TREH: variants seen among roughly 807,000 people sequenced by gnomAD.
The protein encoded by TREH is trehalase.
Under a neutral mutation model 80.5 loss-of-function variants are expected in TREH, and 69 were observed. The ratio of observed to expected loss-of-function variants is 0.86; its 90% CI spans 0.71 to 1.05. The LOEUF is 1.05. Ranked by LOEUF, TREH falls within the 50% of genes least tolerant of loss-of-function variation. The pLI, the probability that TREH is intolerant of heterozygous loss-of-function variation, is 0.00. For synonymous variants in TREH, 309 were observed against 293.5 expected, an observed-to-expected ratio of 1.05 and a Z score of -0.54; for missense variants, 716 against 718.8, an observed-to-expected ratio of 1.00 and a Z score of 0.04.
intron 4 of TREH, chr11:118,662,615 G>C: frequency 2.0e-6 from 1 of 490,154 alleles, no homozygotes; most frequent in South Asian, 2.3e-5. Context: ...GGCAGTGCTG[G>C]GCAGCCTGGA....
rs147240748 is a variant in TREH, at chr11:118,660,623, G to A, written c.1018C>T (p.Arg340Ter). The A allele has an allele frequency of 3.9e-5, 62 of 1,609,168 alleles. No individual in the cohort carries two copies. In the African/African-American group the frequency reaches 5.6e-4, roughly 15 times the overall value. Reference sequence around the variant, plus strand: ...TCAACAGGCACCAGTTTGCTTGTTCGGATGCCGCTAAGCGAGTTGGGGTTT... The same window carrying A: ...TCAACAGGCACCAGTTTGCTTGTTCAGATGCCGCTAAGCGAGTTGGGGTTT... ...GPNPNSLSGI[R>*]TSKLVPVDLN... The change falls in exon 10 of 15, where the codon CGA (arginine) becomes TGA (stop). Residue 340 changes from arginine (R) to a stop codon, truncating the protein, a stop_gained. Transcript: ENST00000264029. LOFTEE classifies it high-confidence loss of function.
Position 118,659,420 on chromosome 11 carries a change from T to C in TREH, c.1382A>G (p.Gln461Arg), listed in dbSNP as rs782117647. ...GGCCCAGGCATTGGGGAAATCCCAC[T>C]GCTGGCCTGTCTTCTGGAGAGAGGT... ...IPTSLQKTGQQWDFPNAWAPL... is the reference protein window; with the variant it reads ...IPTSLQKTGQRWDFPNAWAPL... The change falls in exon 12 of 15, where the codon CAG becomes CGG. Residue 461 changes from glutamine (Q) to arginine (R), a missense_variant. By Grantham distance (43) the Gln-to-Arg change is conservative. Coordinates refer to ENST00000264029, the MANE Select transcript of TREH (RefSeq NM_007180.3). 2 of 1,607,440 alleles carry C rather than the reference T, an allele frequency of 1.2e-6. No homozygotes were observed. Among genetic ancestry groups the C allele is most frequent in the East Asian group, 2.2e-5 (1 of 44,750 alleles).
At chr11:118,671,389 T>C (rs1949427953) in intron 1 of TREH, among the ~76,000 whole-genome samples, 1 of 152,062 alleles carries the variant, frequency 6.6e-6, no homozygotes, top group Non-Finnish European at 1.5e-5. Context: ...AAAATGCAAT[T>C]GGCATACTGA....
In TREH at chr11:118,663,113, C is replaced by G; in HGVS notation, c.274G>C (p.Glu92Gln). The G allele has an allele frequency of 6.2e-7, 1 of 1,613,960 alleles. No individual in the cohort carries two copies. The highest frequency in any genetic ancestry group is 8.5e-7 in the Non-Finnish European group (1 of 1,179,886). The change falls in exon 3 of 15, where the codon GAA (glutamate) becomes CAA (glutamine). Residue 92 changes from glutamate to glutamine, a missense_variant. By Grantham distance (29) the Glu-to-Gln change is conservative. Coordinates refer to ENST00000264029, the MANE Select transcript of TREH (RefSeq NM_007180.3). Reference sequence around the variant, plus strand: ...TCCTGCCCCTTGGCCTGGAAGTGTTCGTGGACAAACGCCTGCAGCTGCTCC... The same window carrying G: ...TCCTGCCCCTTGGCCTGGAAGTGTTGGTGGACAAACGCCTGCAGCTGCTCC... ...PREQLQAFVH[E>Q]HFQAKGQELQ...
intron 1 of TREH, among the ~76,000 whole-genome samples, chr11:118,667,874 T>C (rs1356879677): frequency 1.3e-5 from 2 of 152,122 alleles, no homozygotes; most frequent in Non-Finnish European, 2.9e-5. Context: ...TAACAAATTT[T>C]TTTTTTTTGA....
rs1555144686 is a variant in TREH at position 118,660,580 on chromosome 11, C to A, written c.1061G>T (p.Cys354Phe). 6.2e-7 allele frequency: 1 copy of A among 1,610,428 alleles called. No individual in the cohort carries two copies. The highest frequency in any genetic ancestry group is 1.3e-5 in the African/African-American group (1 of 74,876). The change falls in exon 10 of 15, where the codon TGC (cysteine) becomes TTC (phenylalanine). Residue 354 changes from cysteine to phenylalanine, a missense_variant. Physicochemically the swap from Cys to Phe is radical, Grantham distance 205. Coordinates refer to ENST00000264029, the MANE Select transcript of TREH (RefSeq NM_007180.3). ...LVPVDLNAFL[C>F]QAEELMSNFY... is the part of the protein sequence containing the mutation. ...GTTGCTCATCAGCTCCTCTGCTTGG[C>A]ATAGGAAGGCATTCAGGTCAACAGG...
chr11:118,658,079 T>G lies in TREH; in HGVS notation c.*210A>C. ...TGGCGCTGAGGCACTTGGGGATAGGTCTTCCCTCCAGAGCAGGATTTCCAC... is the reference window on the plus strand; with the variant it reads ...TGGCGCTGAGGCACTTGGGGATAGGGCTTCCCTCCAGAGCAGGATTTCCAC... On this transcript the variant is annotated 3_prime_UTR_variant, in exon 15 of 15. Transcript: ENST00000264029. 1 of 651,522 alleles carries G rather than the reference T, an allele frequency of 1.5e-6. No homozygotes were observed. The highest frequency in any genetic ancestry group is 2.6e-6 in the Non-Finnish European group (1 of 391,194). 40.4% of individuals were successfully genotyped at this position (651,522 alleles called of 1,614,324 possible). A position where few individuals can be genotyped will look rare whatever the true frequency, so the allele number is the denominator to read the frequency against.
At chr11:118,666,927 G>C (rs1277237033) in intron 1 of TREH, among the ~76,000 whole-genome samples, 2 of 152,168 alleles carry the variant, frequency 1.3e-5, no homozygotes, top group East Asian at 3.9e-4. Flanking sequence ...TTGTTGCCCA[G>C]GCTGGAGTAC....
intron 1 of TREH, among the ~76,000 whole-genome samples, chr11:118,667,200 A>G (rs181336165): frequency 3.3e-4 from 50 of 151,684 alleles, no homozygotes; most frequent in East Asian, 1.2e-3. Context: ...CTTTTTTTAG[A>G]CAAGGGTTCG....
intron 1 of TREH, among the ~76,000 whole-genome samples, chr11:118,667,426 C>T (rs1555145776): frequency 2.0e-5 from 3 of 152,106 alleles, no homozygotes; most frequent in Non-Finnish European, 4.4e-5. Flanking sequence ...AAGTGATCCT[C>T]CTGGCTTCAA....
rs1362591438 is a variant in TREH at position 118,659,874 on chromosome 11, G to C, written c.1193C>G (p.Ala398Gly). ...CTTCTCAAGGTCGTAATCGAACCAG[G>C]CTCCGGTCTGCTCATCCCACAGGAC... ...NTVLWDEQTG[A>G]WFDYDLEKKK... Residue 398 changes from alanine to glycine, a missense_variant, in exon 11 of 15, where the codon GCC (alanine) becomes GGC (glycine). Coordinates refer to ENST00000264029, the MANE Select transcript of TREH (RefSeq NM_007180.3). The C allele has an allele frequency of 1.9e-6, 3 of 1,552,106 alleles. No individual in the cohort carries two copies. The highest frequency in any genetic ancestry group is 4.9e-5 in the East Asian group (2 of 40,976).
chr11:118,672,973 C>G (rs1055092897), intron 1 of TREH, among the ~76,000 whole-genome samples: 3 of 152,070 alleles, frequency 2.0e-5, no homozygotes, highest in Non-Finnish European at 4.4e-5. Flanking sequence ...TCATTGTCTC[C>G]CAGCCCCTCT....
At chr11:118,666,984 G>A (rs1949383783) in intron 1 of TREH, among the ~76,000 whole-genome samples, 1 of 152,126 alleles carries the variant, frequency 6.6e-6, no homozygotes, top group Non-Finnish European at 1.5e-5. Context: ...CTGGGTTCAA[G>A]CAATTCTCCT....
Position 118,660,529 on chromosome 11 carries a change from G to T in TREH, c.1102+10C>A, listed in dbSNP as rs782326788. The T allele has an allele frequency of 6.3e-7, 1 of 1,589,314 alleles. No individual in the cohort carries two copies. The highest frequency in any genetic ancestry group is 2.3e-5 in the East Asian group (1 of 43,992). The stretch of plus-strand genomic sequence containing the variant: ...GCTCCCTGCTTTCCCTTCCCTACTG[G>T]GGTGCTCACCCAGCCTGGAATAGAA... On this transcript the variant is annotated intron_variant, in intron 10 of 14. Coordinates refer to ENST00000264029, the MANE Select transcript of TREH (RefSeq NM_007180.3).
chr11:118,678,278 AAC>A (rs781867764), intron 1 of TREH, among the ~76,000 whole-genome samples: 3 of 152,014 alleles, frequency 2.0e-5, no homozygotes, highest in Non-Finnish European at 4.4e-5. Flanking sequence ...CATCCTCTCT[AAC>A]ACACCCTCTG....
chr11:118,662,232 G>A (rs890167409), intron 4 of TREH, among the ~76,000 whole-genome samples: 1 of 138,938 alleles, frequency 7.2e-6, no homozygotes, highest in Admixed American at 7.4e-5. Context: ...TAGAAGACCC[G>A]ACCACTGAGC....
At chr11:118,659,629 C>A (rs1279671687) in intron 11 of TREH, 118 bp downstream of exon 11, 6 of 1,397,564 alleles carry the variant, frequency 4.3e-6, no homozygotes, top group Non-Finnish European at 5.8e-6. Flanking sequence ...CTGGTGGGAC[C>A]CGCAGGCTGG....
At position 118,661,699 on chromosome 11, in the gene TREH, G is replaced by T. The variant is rs782500355; in HGVS notation, c.555C>A (p.Leu185=). Residue 185 remains leucine (L), a synonymous_variant, in exon 6 of 15, where the codon CTC becomes CTA. Coordinates refer to ENST00000264029, the MANE Select transcript of TREH (RefSeq NM_007180.3). This position sits in a 1 kb window ranked among gnomAD's most constrained non-coding sequence, Gnocchi z 4.2. ...TCACCGTCTCAGCCATCTCTGAGAG[G>T]AGCAGACCCTCCATGACCCAGTAGG... is the stretch of plus-strand genomic sequence containing the variant. ...WDSYWVMEGL[L]LSEMAETVKG... is the part of the protein sequence containing the mutation. 4 of 1,613,854 alleles carry T rather than the reference G, an allele frequency of 2.5e-6. No homozygotes were observed. The South Asian group carries it at 3.3e-5, about 13-fold the overall frequency.
rs782486054 is a variant in TREH, at chr11:118,662,987, C to A, written c.336-19G>T. The stretch of plus-strand genomic sequence containing the variant: ...CTGGGGGCTGAAAGAACACAGGCCC[C>A]ACAGGGTTCAAGGAGGCAGCTCAGT... On this transcript the variant is annotated intron_variant, in intron 3 of 14. Transcript: ENST00000264029. 1.2e-6 allele frequency: 2 copies of A among 1,611,830 alleles called. No individual in the cohort carries two copies. Among genetic ancestry groups the A allele is most frequent in the South Asian group, 2.2e-5 (2 of 90,748 alleles).
Sources: gnomAD v4.1 joint callset for allele counts (sites outside exome capture counted in the v4.1 genomes callset) on GRCh38, gnomAD v4.1.1 for gene constraint, Gnocchi (gnomAD v3.1) non-coding constraint, MANE v1.5 for transcripts, NCBI Gene and HGNC (gene_info 2026-07-23, HGNC 2026-07-21) for gene names.